The following DNER variants were observed in gnomAD, a reference collection of about 807,000 sequenced individuals.
DNER encodes the protein delta and Notch-like epidermal growth factor-related receptor.
DNER carries 33 observed loss-of-function variants against 78.2 expected under a neutral mutation model. The observed-to-expected ratio is 0.42, with a 90% CI of 0.32 to 0.56. The LOEUF (loss-of-function observed/expected upper bound fraction) is 0.56, where lower values mean the gene tolerates loss of function less well. DNER is among the 20% of genes least tolerant of loss of function. DNER has a pLI of 0.11. For synonymous variants in DNER, 417 were observed against 384.8 expected (o/e 1.08, Z -0.98); for missense variants, 918 against 975.3 (o/e 0.94, Z 0.78).
At chr2:229,519,318 A>C (rs1310869363) in intron 5 of DNER, among the ~76,000 whole-genome samples, 2 of 152,144 alleles carry the variant, frequency 1.3e-5, no homozygotes, top group Admixed American at 6.5e-5. Context: ...CTCAGCAGCT[A>C]TATTTCTTGC....
chr2:229,406,054 T>C, intron 10 of DNER, among the ~76,000 whole-genome samples: 1 of 152,178 alleles, frequency 6.6e-6, no homozygotes, highest in South Asian at 2.1e-4. Context: ...GCTGTGACAC[T>C]GATAAATAGA....
chr2:229,361,805 A>G (rs1207818434), intron 12 of DNER, among the ~76,000 whole-genome samples: 2 of 151,792 alleles, frequency 1.3e-5, no homozygotes, highest in African/African-American at 2.4e-5. Flanking sequence ...ACTTTTTTCA[A>G]TCGATAGTCT....
At chr2:229,513,037 A>T in intron 5 of DNER, 101 bp from the exon 6 acceptor site, 1 of 1,295,790 alleles carries the variant, frequency 7.7e-7, no homozygotes, top group Non-Finnish European at 1.0e-6. Context: ...CCTTTTTATA[A>T]TCAGCAATTT....
intron 1 of DNER, among the ~76,000 whole-genome samples, chr2:229,692,230 C>T (rs1699589090): frequency 6.6e-6 from 1 of 152,202 alleles, no homozygotes; most frequent in Non-Finnish European, 1.5e-5. Flanking sequence ...CTGACCTGGT[C>T]TTCAAACCTC....
At chr2:229,471,958 G>A (rs1694933424) in intron 7 of DNER, among the ~76,000 whole-genome samples, 1 of 152,124 alleles carries the variant, frequency 6.6e-6, no homozygotes, top group South Asian at 2.1e-4. Context: ...TGACCTCCAG[G>A]CCAGAGAACG....
At chr2:229,477,552 A>G (rs954509573) in intron 6 of DNER, among the ~76,000 whole-genome samples, 4 of 152,234 alleles carry the variant, frequency 2.6e-5, no homozygotes, top group Non-Finnish European at 5.9e-5. Context: ...AACTTTCAGA[A>G]GCTGAGACTG....
intron 5 of DNER, among the ~76,000 whole-genome samples, chr2:229,541,123 G>A (rs1394686768): frequency 6.6e-6 from 1 of 152,218 alleles, no homozygotes; most frequent in Non-Finnish European, 1.5e-5. Context: ...CAGGAAGGGG[G>A]AGATGAGAAG....
At chr2:229,585,755 A>G in intron 4 of DNER, 103 bp downstream of exon 4, 1 of 1,201,500 alleles carries the variant, frequency 8.3e-7, no homozygotes, top group Non-Finnish European at 1.2e-6. Context: ...TGATGGATAG[A>G]ATTCAGATTA....
intron 8 of DNER, among the ~76,000 whole-genome samples, chr2:229,442,210 T>C (rs960658574): frequency 3.3e-5 from 5 of 152,110 alleles, no homozygotes; most frequent in Non-Finnish European, 7.4e-5. Flanking sequence ...CCCTACAGCA[T>C]GTTAAATATA....
chr2:229,628,153 T>C (rs916528927), intron 1 of DNER, among the ~76,000 whole-genome samples: 3 of 152,048 alleles, frequency 2.0e-5, no homozygotes, highest in Non-Finnish European at 2.9e-5. Flanking sequence ...AAAACCACCA[T>C]GCTGGGAGAA....
intron 7 of DNER, among the ~76,000 whole-genome samples, chr2:229,455,410 G>A (rs1694549575): frequency 6.6e-6 from 1 of 152,054 alleles, no homozygotes; most frequent in Non-Finnish European, 1.5e-5. Context: ...TTTAAACGGT[G>A]GTTCTGGGGT....
At chr2:229,656,279 G>C (rs1314668078) in intron 1 of DNER, among the ~76,000 whole-genome samples, 1 of 152,118 alleles carries the variant, frequency 6.6e-6, no homozygotes, top group Non-Finnish European at 1.5e-5. Flanking sequence ...AGAGACCTAG[G>C]CTGAATCCAG....
chr2:229,668,791 C>G (rs552706720), intron 1 of DNER, among the ~76,000 whole-genome samples: 1 of 151,368 alleles, frequency 6.6e-6, no homozygotes, highest in Non-Finnish European at 1.5e-5. Context: ...ATTAGTTCAA[C>G]CATTGTGGAA....
chr2:229,688,644 AT>A (rs1417831073), intron 1 of DNER, among the ~76,000 whole-genome samples: 2 of 152,180 alleles, frequency 1.3e-5, no homozygotes. Flanking sequence ...ACATATGAAG[AT>A]TTAATGTATA....
chr2:229,500,261 C>T (rs1695589979), intron 6 of DNER, among the ~76,000 whole-genome samples: 2 of 152,046 alleles, frequency 1.3e-5, no homozygotes, highest in African/African-American at 4.8e-5. Flanking sequence ...GAAAGACATA[C>T]AAATGGCCAA....
At chr2:229,690,125 C>T (rs955445008) in intron 1 of DNER, among the ~76,000 whole-genome samples, 1 of 152,202 alleles carries the variant, frequency 6.6e-6, no homozygotes, top group South Asian at 2.1e-4. Context: ...CCCTTTAGAA[C>T]CACTTGGGGG....
At chr2:229,391,893 G>C (rs1693024098) in intron 10 of DNER, among the ~76,000 whole-genome samples, 1 of 152,134 alleles carries the variant, frequency 6.6e-6, no homozygotes, top group African/African-American at 2.4e-5. Context: ...TAAGTACAGT[G>C]GGTATCACAT....
chr2:229,403,777 G>A (rs779319649), intron 10 of DNER, among the ~76,000 whole-genome samples: 1 of 151,898 alleles, frequency 6.6e-6, no homozygotes, highest in Non-Finnish European at 1.5e-5. Context: ...AGCAGAGGGG[G>A]GCTGAGAGGC....
intron 11 of DNER, among the ~76,000 whole-genome samples, chr2:229,381,135 G>C (rs1228620667): frequency 6.6e-6 from 1 of 152,052 alleles, no homozygotes; most frequent in African/African-American, 2.4e-5. Context: ...AGCAGAAGCA[G>C]GATGGGGTGT....
Sources: gnomAD v4.1 joint callset for allele counts (sites outside exome capture counted in the v4.1 genomes callset) on GRCh38, gnomAD v4.1.1 for gene constraint, MANE v1.5 for transcripts, NCBI Gene and HGNC (gene_info 2026-07-23, HGNC 2026-07-21) for gene names.